The following FHIT variants were observed in gnomAD, a reference collection of about 807,000 sequenced individuals.
FHIT encodes bis(5'-adenosyl)-triphosphatase.
FHIT carries 19 observed loss-of-function variants against 17.9 expected under a neutral mutation model. The ratio of observed to expected loss-of-function variants is 1.06; its 90% CI spans 0.74 to 1.56. The LOEUF is 1.56. FHIT is among the 40% of genes most tolerant of loss of function. The pLI is 0.00. For missense variants in FHIT, 248 were observed against 189.2 expected, an observed-to-expected ratio of 1.31 and a Z score of -1.82; for synonymous variants, 81 against 69.7, an observed-to-expected ratio of 1.16 and a Z score of -0.81.
At chr3:59,999,659 C>T (rs1559536571) in intron 7 of FHIT, among the ~76,000 whole-genome samples, 1 of 152,112 alleles carries the variant, frequency 6.6e-6, no homozygotes, top group Non-Finnish European at 1.5e-5. Flanking sequence ...GGCTGGAGTG[C>T]AGTGGTGCAA....
chr3:59,915,256 T>C (rs1335390318), intron 8 of FHIT, among the ~76,000 whole-genome samples: 1 of 152,184 alleles, frequency 6.6e-6, no homozygotes, highest in African/African-American at 2.4e-5. Context: ...CAAGAAAGCC[T>C]GATTCGTGAA....
At chr3:60,756,615 A>C (rs1217404660) in intron 4 of FHIT, among the ~76,000 whole-genome samples, 1 of 152,194 alleles carries the variant, frequency 6.6e-6, no homozygotes, top group African/African-American at 2.4e-5. Flanking sequence ...GGAGAGGAAA[A>C]AAGGAGGATT....
intron 2 of FHIT, among the ~76,000 whole-genome samples, chr3:61,100,110 T>C (rs2035770541): frequency 6.6e-6 from 1 of 152,138 alleles, no homozygotes; most frequent in Non-Finnish European, 1.5e-5. Context: ...GTGCACAATG[T>C]GCAGGTTTGA....
intron 4 of FHIT, among the ~76,000 whole-genome samples, chr3:60,647,027 C>T (rs1357338839): frequency 1.3e-5 from 2 of 152,200 alleles, no homozygotes; most frequent in African/African-American, 2.4e-5. Context: ...GAGAGCTCTT[C>T]GTTTAATACA....
At chr3:61,045,987 G>T (rs2033766480) in intron 2 of FHIT, among the ~76,000 whole-genome samples, 1 of 152,108 alleles carries the variant, frequency 6.6e-6, no homozygotes, top group South Asian at 2.1e-4. Context: ...CACATTCAAA[G>T]TAGTGTGTAG....
intron 8 of FHIT, among the ~76,000 whole-genome samples, chr3:59,875,208 T>C (rs1367916041): frequency 6.6e-6 from 1 of 152,228 alleles, no homozygotes; most frequent in Non-Finnish European, 1.5e-5. Context: ...GCCTATGATT[T>C]TGAATGCTTC....
chr3:59,965,320 A>C (rs1448586627), intron 7 of FHIT, among the ~76,000 whole-genome samples: 1 of 152,140 alleles, frequency 6.6e-6, no homozygotes, highest in Admixed American at 6.6e-5. Flanking sequence ...TCTGATTTAA[A>C]CACATGCATA....
chr3:61,251,180 C>A (rs1164833405), intron 1 of FHIT, 121 bp downstream of exon 1: 1 of 152,376 alleles, frequency 6.6e-6, no homozygotes, highest in Non-Finnish European at 1.5e-5. Context: ...GGACAGAAGC[C>A]CACCGCCCCG....
chr3:60,226,382 G>A (rs544485056), intron 5 of FHIT, among the ~76,000 whole-genome samples: 135 of 148,382 alleles, frequency 9.1e-4, no homozygotes, highest in African/African-American at 3.3e-3. Flanking sequence ...TGAGGCAGGA[G>A]AACCGCTTGA....
chr3:60,559,088 G>C (rs1261143365), intron 4 of FHIT, among the ~76,000 whole-genome samples: 1 of 151,960 alleles, frequency 6.6e-6, no homozygotes, highest in African/African-American at 2.4e-5. Context: ...AACTTCCATG[G>C]GAACATTCTG....
chr3:60,371,306 C>G (rs546161945), intron 5 of FHIT, among the ~76,000 whole-genome samples: 2 of 152,106 alleles, frequency 1.3e-5, no homozygotes, highest in African/African-American at 4.8e-5. Flanking sequence ...TATCCACCAC[C>G]TTAAATATTC....
At chr3:60,702,094 G>T (rs1559651198) in intron 4 of FHIT, among the ~76,000 whole-genome samples, 1 of 152,280 alleles carries the variant, frequency 6.6e-6, no homozygotes, top group South Asian at 2.1e-4. Flanking sequence ...AACTCCTGGG[G>T]CTCAAGCACT....
intron 5 of FHIT, among the ~76,000 whole-genome samples, chr3:60,439,056 T>C (rs560308605): frequency 1.5e-4 from 23 of 152,256 alleles, no homozygotes; most frequent in Admixed American, 5.2e-4. Flanking sequence ...TGATTGGCTT[T>C]ATATTAGATG....
intron 5 of FHIT, among the ~76,000 whole-genome samples, chr3:60,389,809 T>C (rs994799274): frequency 2.6e-5 from 4 of 152,152 alleles, no homozygotes; most frequent in African/African-American, 9.7e-5. Flanking sequence ...CAGAACATTT[T>C]GTGTTTGACT....
chr3:61,054,370 T>TC (rs1559944952), intron 2 of FHIT, among the ~76,000 whole-genome samples: 6 of 151,532 alleles, frequency 4.0e-5, no homozygotes, highest in African/African-American at 2.4e-5. Flanking sequence ...TCTTTTTTTT[T>TC]CCAGAAAAAA....
chr3:60,657,218 G>A (rs1253324387), intron 4 of FHIT, among the ~76,000 whole-genome samples: 1 of 152,128 alleles, frequency 6.6e-6, no homozygotes, highest in Non-Finnish European at 1.5e-5. Flanking sequence ...TCCCTAGGAG[G>A]CACTAGGAAA....
chr3:59,787,639 T>C (rs890150683), intron 8 of FHIT, among the ~76,000 whole-genome samples: 2 of 152,150 alleles, frequency 1.3e-5, no homozygotes, highest in Non-Finnish European at 2.9e-5. Flanking sequence ...TGTTCTGAGA[T>C]GATAATAGTT....
chr3:61,244,175 A>G (rs868432277), intron 1 of FHIT: 13 of 152,014 alleles, frequency 8.6e-5, no homozygotes, highest in South Asian at 2.1e-4. Context: ...AAATAAACAA[A>G]CAAAAGAAAT....
At chr3:60,186,594 G>C (rs1702169306) in intron 5 of FHIT, among the ~76,000 whole-genome samples, 1 of 152,152 alleles carries the variant, frequency 6.6e-6, no homozygotes, top group Non-Finnish European at 1.5e-5. Context: ...CATAACGGAG[G>C]TGGGCTGCGT....
Sources: gnomAD v4.1 joint callset for allele counts (sites outside exome capture counted in the v4.1 genomes callset) on GRCh38, gnomAD v4.1.1 for gene constraint, MANE v1.5 for transcripts, NCBI Gene and HGNC (gene_info 2026-07-23, HGNC 2026-07-21) for gene names.